Variants in HERC2 observed in about 807,000 individuals in gnomAD.
HERC2 encodes the protein HECT and RLD domain containing E3 ubiquitin protein ligase 2.
In HERC2, 102 loss-of-function variants were observed where a neutral mutation model predicts 537.7. That is an observed-to-expected ratio of 0.19 (90% CI 0.16 to 0.22). The LOEUF is 0.22. HERC2 is among the 10% of genes least tolerant of loss of function. The pLI, the probability that HERC2 is intolerant of heterozygous loss-of-function variation, is 1.00. For missense variants in HERC2, 4,236 were observed against 6,198.2 expected, an observed-to-expected ratio of 0.68 and a Z score of 10.63; for synonymous variants, 2,224 against 2,466.2, an observed-to-expected ratio of 0.90 and a Z score of 2.91.
intron 70 of HERC2, among the ~76,000 whole-genome samples, chr15:28,147,204 T>C (rs1891840070): frequency 6.6e-6 from 1 of 152,060 alleles, no homozygotes; most frequent in Admixed American, 6.6e-5. Context: ...GATTTGCTGG[T>C]GGACTAGATA....
intron 57 of HERC2, among the ~76,000 whole-genome samples, chr15:28,180,650 G>C (rs964045353): frequency 6.7e-6 from 1 of 150,186 alleles, no homozygotes; most frequent in Admixed American, 6.5e-5. Context: ...CAGTTCCATA[G>C]TAGAAAGTGA....
At chr15:28,171,719 T>C (rs1028714425) in intron 65 of HERC2, among the ~76,000 whole-genome samples, 10 of 152,106 alleles carry the variant, frequency 6.6e-5, no homozygotes, top group Non-Finnish European at 4.4e-5. Flanking sequence ...AGAAATGATA[T>C]TTTTAAAAGA....
Position 28,142,552 on chromosome 15 carries a change from T to C in HERC2, c.11545-159A>G, listed in dbSNP as rs557978730. The C allele has an allele frequency of 1.0e-5, 8 of 799,648 alleles. No homozygotes were observed. The African/African-American group carries it at 1.2e-4, about 12-fold the overall frequency. 49.5% of individuals were successfully genotyped at this position (799,648 alleles called of 1,614,324 possible). Reference sequence around the variant, plus strand: ...TCAGTGATGTGGCGACCTCTGACAGTTCCTAGCCACGTGCCACACAACTGC... The same window carrying C: ...TCAGTGATGTGGCGACCTCTGACAGCTCCTAGCCACGTGCCACACAACTGC... On this transcript the variant is annotated intron_variant, in intron 75 of 92. Transcript: ENST00000261609.
intron 26 of HERC2, among the ~76,000 whole-genome samples, chr15:28,235,063 C>A (rs1480792853): frequency 1.3e-5 from 2 of 152,032 alleles, no homozygotes; most frequent in Non-Finnish European, 2.9e-5. Flanking sequence ...AGGGAGTGCA[C>A]CACTACAGAT....
chr15:28,320,264 A>T (rs1460071439), intron 2 of HERC2: 1 of 152,154 alleles, frequency 6.6e-6, no homozygotes, highest in Non-Finnish European at 1.5e-5. Flanking sequence ...ACAGGCATAC[A>T]CCACCACGCC....
In HERC2 at chr15:28,167,786, AGTCACTGCAGAGGGG is replaced by A. The variant is rs1293329321; in HGVS notation, c.10440_10454del (p.Val3484_Ala3488del). The stretch of plus-strand genomic sequence containing the variant: ...GAGCGGAGGCTGAGGGGGCCGACGG[AGTCACTGCAGAGGGG>A]GTCACTGCGTCCTCAGAGGAAACAA... On this transcript the variant is annotated inframe_deletion, in exon 68 of 93. Transcript: ENST00000261609. 2 of 1,614,192 alleles carry A rather than the reference AGTCACTGCAGAGGGG, an allele frequency of 1.2e-6. 1 individual carries two copies. Among genetic ancestry groups the A allele is most frequent in the Non-Finnish European group, 1.7e-6 (2 of 1,180,040 alleles).
rs763326445 is a variant in HERC2 at position 28,215,654 on chromosome 15, G to A, written c.6177C>T (p.His2059=). The change falls in exon 39 of 93, where the codon CAC becomes CAT. Residue 2059 remains histidine, a synonymous_variant. Coordinates refer to ENST00000261609, the MANE Select transcript of HERC2 (RefSeq NM_004667.6). ...GCAGCGAGGTGGCAGTGAAGGGTGC[G>A]TGCCCTTCCACGACCTTCATGAGCA... ...ITLLMKVVEG[H]APFTATSLQR... 2.0e-5 allele frequency: 32 copies of A among 1,611,350 alleles called. No homozygotes were observed. The highest frequency in any genetic ancestry group is 5.5e-5 in the South Asian group (5 of 90,892).
intron 68 of HERC2, among the ~76,000 whole-genome samples, chr15:28,163,974 G>A (rs938907004): frequency 2.0e-5 from 3 of 152,202 alleles, no homozygotes; most frequent in South Asian, 2.1e-4. Context: ...CAGGATGGCC[G>A]CCCCCACCCT....
In HERC2 at chr15:28,172,788, A is replaced by G. The variant is rs533038400; in HGVS notation, c.10057+1607T>C. 8.5e-5 allele frequency among the ~76,000 whole-genome samples: 13 copies of G among 152,336 alleles called. No homozygotes were observed. In the East Asian group the frequency reaches 2.5e-3, roughly 29 times the overall value. ...GGCTTCATCAAAATTAAAAACTTCT[A>G]ATCTTTAAGATTCACCTGTGAAGAG... On this transcript the variant is annotated intron_variant, in intron 65 of 92. Coordinates refer to ENST00000261609, the MANE Select transcript of HERC2 (RefSeq NM_004667.6).
chr15:28,114,211 C>T (rs551845467), intron 90 of HERC2, among the ~76,000 whole-genome samples: 21 of 152,306 alleles, frequency 1.4e-4, no homozygotes, highest in African/African-American at 5.1e-4. Context: ...AATCACGGCA[C>T]CCAAAGGACC....
intron 4 of HERC2, among the ~76,000 whole-genome samples, chr15:28,288,998 A>C (rs954128025): frequency 6.6e-6 from 1 of 152,014 alleles, no homozygotes; most frequent in African/African-American, 2.4e-5. Context: ...CCAACCAAGA[A>C]CATGTCAGAA....
Position 28,144,016 on chromosome 15 carries a change from C to T in HERC2, c.11300-25G>A, listed in dbSNP as rs961115728. 3.7e-6 allele frequency: 6 copies of T among 1,613,980 alleles called. No homozygotes were observed. The African/African-American group carries it at 4.0e-5, about 11-fold the overall frequency. On this transcript the variant is annotated intron_variant, in intron 73 of 92. Coordinates refer to ENST00000261609, the MANE Select transcript of HERC2 (RefSeq NM_004667.6). Reference sequence around the variant, plus strand: ...GCTGAAATGAGCAGAGAGAAAGTATCAGAAGTCTGATGGTTTCTTCCAAGC... The same window carrying T: ...GCTGAAATGAGCAGAGAGAAAGTATTAGAAGTCTGATGGTTTCTTCCAAGC...
At chr15:28,279,269 C>T (rs1051689707) in intron 5 of HERC2, among the ~76,000 whole-genome samples, 2 of 151,950 alleles carry the variant, frequency 1.3e-5, no homozygotes, top group Admixed American at 6.5e-5. Context: ...GGATTACAGG[C>T]GTGAGCCACC....
At chr15:28,291,686 G>C (rs1596404881) in intron 4 of HERC2, among the ~76,000 whole-genome samples, 1 of 151,958 alleles carries the variant, frequency 6.6e-6, no homozygotes, top group South Asian at 2.1e-4. Flanking sequence ...AAAGGGAAGA[G>C]ATTATGAAAG....
chr15:28,320,054 C>A (rs1253664117), intron 2 of HERC2: 1 of 151,970 alleles, frequency 6.6e-6, no homozygotes, highest in African/African-American at 2.4e-5. Context: ...CAATTCTTGA[C>A]CCAATTCTCT....
intron 2 of HERC2, among the ~76,000 whole-genome samples, chr15:28,299,804 C>T (rs1447512090): frequency 6.6e-6 from 1 of 152,068 alleles, no homozygotes; most frequent in Non-Finnish European, 1.5e-5. Context: ...GTCATCCCAG[C>T]ACTTTGGGAG....
intron 53 of HERC2, 34 bp downstream of exon 53, chr15:28,191,927 A>C: frequency 1.3e-6 from 2 of 1,585,916 alleles, no homozygotes; most frequent in Non-Finnish European, 1.7e-6. Context: ...CATCGGTGTG[A>C]AAGTGCCCGC....
chr15:28,180,031 T>G (rs985335010), intron 57 of HERC2, among the ~76,000 whole-genome samples: 5 of 152,192 alleles, frequency 3.3e-5, no homozygotes, highest in Non-Finnish European at 5.9e-5. Context: ...TACAGTAACA[T>G]GCAGTGATGT....
intron 57 of HERC2, among the ~76,000 whole-genome samples, chr15:28,181,147 T>C (rs1379083321): frequency 6.6e-6 from 1 of 152,240 alleles, no homozygotes; most frequent in Non-Finnish European, 1.5e-5. Context: ...TTAAAATTCC[T>C]AGGGCCCTTT....
Sources: gnomAD v4.1 joint callset for allele counts (sites outside exome capture counted in the v4.1 genomes callset) on GRCh38, gnomAD v4.1.1 for gene constraint, MANE v1.5 for transcripts, NCBI Gene and HGNC (gene_info 2026-07-23, HGNC 2026-07-21) for gene names.